QRICH2: variants seen among roughly 807,000 people sequenced by gnomAD.
The protein encoded by QRICH2 is glutamine-rich protein 2.
A neutral mutation model predicts 168.3 loss-of-function variants in QRICH2; 119 were observed. That is an observed-to-expected ratio of 0.71 (90% CI 0.61 to 0.82). The LOEUF is 0.82. Ranked by LOEUF, QRICH2 falls within the 40% of genes least tolerant of loss-of-function variation. The pLI, the probability that QRICH2 is intolerant of heterozygous loss-of-function variation, is 0.00. For missense variants in QRICH2, 2,241 were observed against 2,491.6 expected, an observed-to-expected ratio of 0.90 and a Z score of 2.14; for synonymous variants, 894 against 951.2, an observed-to-expected ratio of 0.94 and a Z score of 1.11.
chr17:76,277,468 G>A (rs574335602), intron 15 of QRICH2, among the ~76,000 whole-genome samples, 158 bp from the exon 16 acceptor site: 1 of 152,116 alleles, frequency 6.6e-6, no homozygotes, highest in East Asian at 1.9e-4. Context: ...GCGGGCGGGG[G>A]TAGAGCAGCC....
Position 76,293,106 on chromosome 17 carries a change from T to A in QRICH2, c.1621A>T (p.Met541Leu), listed in dbSNP as rs761366099. The change falls in exon 4 of 19, where the codon ATG becomes TTG. Residue 541 changes from methionine to leucine, a missense_variant. This residue lies in a region of QRICH2 where 2,047 missense variants were observed against 2,303.8 expected (regional missense o/e 0.89). Coordinates refer to ENST00000680821, the MANE Select transcript of QRICH2 (RefSeq NM_001388453.1). ...DQHGLVSPGL[M>L]PISADQQGFV... is the part of the protein sequence containing the mutation. ...CCTTGCTGATCTGCACTAATTGGCA[T>A]CAAACCAGGTGATACCAAACCATGC... is the stretch of plus-strand genomic sequence containing the variant. The A allele has an allele frequency of 5.6e-6, 9 of 1,614,094 alleles. No homozygotes were observed. Among genetic ancestry groups the A allele is most frequent in the Admixed American group, 5.0e-5 (3 of 59,998 alleles).
upstream of QRICH2, among the ~76,000 whole-genome samples, chr17:76,309,303 C>T (rs1018583300): frequency 2.7e-5 from 4 of 149,442 alleles, no homozygotes; most frequent in African/African-American, 9.9e-5. Context: ...TTGCAGTGAG[C>T]CAAGATCGCA....
chr17:76,308,408 C>G (rs1003160506), upstream of QRICH2: 2 of 985,268 alleles, frequency 2.0e-6, no homozygotes, highest in Admixed American at 1.2e-4. Flanking sequence ...GCTGAGGAGG[C>G]CTCCTAAGAT....
intron 7 of QRICH2, among the ~76,000 whole-genome samples, chr17:76,282,574 T>C (rs999254706): frequency 6.6e-6 from 1 of 152,272 alleles, no homozygotes; most frequent in South Asian, 2.1e-4. Flanking sequence ...CCACCTAGCA[T>C]GTAAATAACT....
intron 12 of QRICH2, among the ~76,000 whole-genome samples, chr17:76,279,709 G>A (rs2070751492): frequency 6.6e-6 from 1 of 152,122 alleles, no homozygotes; most frequent in Non-Finnish European, 1.5e-5. Flanking sequence ...AGCCTACCAC[G>A]GGCCAGGTCC....
rs202044537 is a variant in QRICH2, at chr17:76,280,314, G to C, written c.4599C>G (p.Asp1533Glu). 2.0e-5 allele frequency: 33 copies of C among 1,614,188 alleles called. No homozygotes were observed. Among genetic ancestry groups the C allele is most frequent in the Non-Finnish European group, 2.4e-5 (28 of 1,180,018 alleles). Residue 1533 changes from aspartate to glutamate, a missense_variant, in exon 11 of 19, where the codon GAC becomes GAG. Around this residue, in one of 3 missense-constraint regions of QRICH2, gnomAD observed 2,047 missense variants for 2,303.8 expected, o/e 0.89. Transcript: ENST00000680821. The surrounding 1 kb of genome is among the most constrained non-coding windows in gnomAD (Gnocchi z 7.4). Reference protein sequence around the residue: ...GQEQDWQKMLDRLLTEMDNKL... With the variant: ...GQEQDWQKMLERLLTEMDNKL... ...TGTTGTCCATCTCTGTGAGCAGCCT[G>C]TCCAGCATCTTCTGCCAGTCCTGCT...
At chr17:76,304,578 G>T in intron 2 of QRICH2, 53 bp from the exon 3 acceptor site, 1 of 1,314,498 alleles carries the variant, frequency 7.6e-7, no homozygotes, top group Non-Finnish European at 1.1e-6. Context: ...ATCCCAAGCA[G>T]CTTTAGGAAC....
upstream of QRICH2, chr17:76,309,730 T>C (rs1381878781): frequency 2.6e-5 from 4 of 152,190 alleles, no homozygotes; most frequent in Non-Finnish European, 5.9e-5. Flanking sequence ...AGGATGTGCA[T>C]AGCTTATATG....
rs2071048386 is a variant in QRICH2 at position 76,293,385 on chromosome 17, G to A, written c.1342C>T (p.Pro448Ser). ...TCCAATCCTTGCTGGTCTCTGCCAG[G>A]TACTGATGGTGGCAACATACGTTGC... ...DEQRMLPPSVPGRDQQGLELP... is the reference protein window; with the variant it reads ...DEQRMLPPSVSGRDQQGLELP... Residue 448 changes from proline to serine, a missense_variant, in exon 4 of 19, where the codon CCT becomes TCT. Pro to Ser is a moderately conservative substitution (Grantham distance 74). Transcript: ENST00000680821. 4 of 1,614,180 alleles carry A rather than the reference G, an allele frequency of 2.5e-6. No individual in the cohort carries two copies. Among genetic ancestry groups the A allele is most frequent in the Non-Finnish European group, 3.4e-6 (4 of 1,180,030 alleles).
Position 76,301,339 on chromosome 17 carries a change from G to A in QRICH2, c.705+3076C>T, listed in dbSNP as rs941613537. On this transcript the variant is annotated intron_variant, in intron 3 of 18. Coordinates refer to ENST00000680821, the MANE Select transcript of QRICH2 (RefSeq NM_001388453.1). The stretch of plus-strand genomic sequence containing the variant: ...TCCCAGCCCTTTGGGAGGCCGAGGC[G>A]GGTGGATCACTTGAGCTCTGGAGTT... The A allele has an allele frequency of 4.3e-5, 7 of 162,002 alleles. No homozygotes were observed. In the South Asian group the frequency reaches 4.6e-4, roughly 11 times the overall value. 10.0% of individuals were successfully genotyped at this position (162,002 alleles called of 1,614,324 possible).
chr17:76,278,270 C>T (rs548420229), intron 14 of QRICH2, 81 bp from the exon 15 acceptor site: 8 of 1,455,962 alleles, frequency 5.5e-6, no homozygotes, highest in South Asian at 1.2e-5. Context: ...CCTTCAGTTC[C>T]GGGTCCCTTT....
chr17:76,295,592 G>A (rs564764169), intron 3 of QRICH2, among the ~76,000 whole-genome samples: 1 of 152,236 alleles, frequency 6.6e-6, no homozygotes, highest in South Asian at 2.1e-4. Flanking sequence ...GCAGTGAGCC[G>A]AGATCACGCC....
In QRICH2 at chr17:76,280,821, G is replaced by T; in HGVS notation, c.4386+10C>A. ...CCCGGCCCCATCCCAGCCACCCTGCGGCCGCTCACAGCAATGTCCTTCTGT... is the reference window on the plus strand; with the variant it reads ...CCCGGCCCCATCCCAGCCACCCTGCTGCCGCTCACAGCAATGTCCTTCTGT... On this transcript the variant is annotated intron_variant, in intron 9 of 18. Transcript: ENST00000680821. This position sits in a 1 kb window ranked among gnomAD's most constrained non-coding sequence, Gnocchi z 7.4. 6.2e-7 allele frequency: 1 copy of T among 1,613,924 alleles called. No individual in the cohort carries two copies.
At chr17:76,278,232 G>A (rs200627345) in intron 14 of QRICH2, 43 bp from the exon 15 acceptor site, 115 of 1,582,234 alleles carry the variant, frequency 7.3e-5, no homozygotes, top group African/African-American at 7.2e-4. Context: ...GGCCCATGGC[G>A]GGGGCCTTGA....
chr17:76,308,244 C>G lies in QRICH2; in HGVS notation c.-246G>C, dbSNP rs1282747579. ...GGCCTCGGGTCCCCGAGCTGGAGCC[C>G]TGGACTCCCAGTCCCCGCGCCGGCG... On this transcript the variant is annotated 5_prime_UTR_variant, in exon 1 of 19. Transcript: ENST00000680821. The G allele has an allele frequency of 3.6e-5, 35 of 985,446 alleles. No individual in the cohort carries two copies. The highest frequency in any genetic ancestry group is 1.0e-3 in the Middle Eastern group (2 of 1,914). 61.0% of individuals were successfully genotyped at this position (985,446 alleles called of 1,614,324 possible). A position where few individuals can be genotyped will look rare whatever the true frequency, so the allele number is the denominator to read the frequency against.
chr17:76,290,719 C>T lies in QRICH2; in HGVS notation c.3712+296G>A, dbSNP rs947360580. On this transcript the variant is annotated intron_variant, in intron 4 of 18. Transcript: ENST00000680821. ...AGTTTAATTCTTCAACATTCTCTCC[C>T]GCCCACCTCCCAATGCTACTGCTCT... Among the ~76,000 whole-genome samples, 7 of 152,090 alleles carry T rather than the reference C, an allele frequency of 4.6e-5. No individual in the cohort carries two copies. The South Asian group carries it at 6.2e-4, about 14-fold the overall frequency.
Position 76,287,403 on chromosome 17 carries a change from G to C in QRICH2, c.3897-97C>G. On this transcript the variant is annotated intron_variant, in intron 6 of 18. Coordinates refer to ENST00000680821, the MANE Select transcript of QRICH2 (RefSeq NM_001388453.1). The stretch of plus-strand genomic sequence containing the variant: ...GACGCAGGGGGATGCAGACACAGCT[G>C]GAGGTCTCTCACCCTCCACCCCCCT... 3.5e-6 allele frequency: 3 copies of C among 846,626 alleles called. 1 individual carries two copies. The Middle Eastern group carries it at 6.5e-4, about 184-fold the overall frequency. The allele number at this position is 846,626 out of a possible 1,614,324, so 52.4% of individuals were successfully genotyped here.
intron 15 of QRICH2, 36 bp downstream of exon 15, chr17:76,277,950 GGGT>G (rs1568104278): frequency 6.3e-7 from 1 of 1,595,444 alleles, no homozygotes; most frequent in Admixed American, 1.7e-5. Flanking sequence ...CCTGGTCACT[GGGT>G]GCCTGCTCCC....
At position 76,280,580 on chromosome 17, in the gene QRICH2, C is replaced by A; in HGVS notation, c.4461+74G>T. On this transcript the variant is annotated intron_variant, in intron 10 of 18. Transcript: ENST00000680821. This position sits in a 1 kb window ranked among gnomAD's most constrained non-coding sequence, Gnocchi z 7.4. ...CCACACTCGTCTCGCCAGCTCCCCT[C>A]CACTCAGTCTCTCAAAGAACAGTCA... 1 of 1,600,530 alleles carries A rather than the reference C, an allele frequency of 6.2e-7. No individual in the cohort carries two copies. The highest frequency in any genetic ancestry group is 8.6e-7 in the Non-Finnish European group (1 of 1,168,386).
Sources: allele counts gnomAD v4.1 joint callset (sites outside exome capture counted in the v4.1 genomes callset), GRCh38; gene constraint gnomAD v4.1.1; regional missense constraint gnomAD v4.1.1; non-coding constraint Gnocchi (gnomAD v3.1); transcripts MANE v1.5; gene names NCBI Gene and HGNC (gene_info 2026-07-23, HGNC 2026-07-21).